The following COL4A4 variants were observed in gnomAD, a reference collection of about 807,000 sequenced individuals.
The protein encoded by COL4A4 is collagen type IV alpha 4 chain.
COL4A4 carries 105 observed loss-of-function variants against 192.9 expected under a neutral mutation model. The observed-to-expected ratio is 0.54, with a 90% confidence interval of 0.46 to 0.64. The LOEUF is 0.64. COL4A4 is among the 30% of genes least tolerant of loss of function. COL4A4 has a pLI of 0.00. For synonymous variants in COL4A4, 762 were observed against 769.9 expected (o/e 0.99, Z 0.17); for missense variants, 1,967 against 2,169.3 (o/e 0.91, Z 1.85).
At chr2:227,137,610 G>A (rs1480140326) in intron 4 of COL4A4, among the ~76,000 whole-genome samples, 1 of 152,212 alleles carries the variant, frequency 6.6e-6, no homozygotes, top group Non-Finnish European at 1.5e-5. Context: ...CCTGTGCATT[G>A]TAAGATGTTG....
chr2:227,082,844 G>A (rs564004335), intron 22 of COL4A4, among the ~76,000 whole-genome samples: 1 of 152,304 alleles, frequency 6.6e-6, no homozygotes, highest in African/African-American at 2.4e-5. Context: ...ACATGCTCAT[G>A]CTCTCTTAAC....
intron 35 of COL4A4, among the ~76,000 whole-genome samples, chr2:227,046,056 T>C (rs1234883992): frequency 7.2e-6 from 1 of 138,382 alleles, no homozygotes; most frequent in Non-Finnish European, 1.5e-5. Flanking sequence ...ATATACTATC[T>C]AAACATATAT....
intron 25 of COL4A4, among the ~76,000 whole-genome samples, chr2:227,071,635 C>A (rs1368421154): frequency 6.6e-6 from 1 of 152,022 alleles, no homozygotes; most frequent in African/African-American, 2.4e-5. Flanking sequence ...CCAAGATAGA[C>A]CATATGACAG....
At chr2:227,081,184 G>A (rs1015716952) in intron 23 of COL4A4, among the ~76,000 whole-genome samples, 3 of 152,198 alleles carry the variant, frequency 2.0e-5, no homozygotes, top group Non-Finnish European at 2.9e-5. Flanking sequence ...TGTTGGGTGT[G>A]TCTGTGAGGG....
At position 227,060,126 on chromosome 2, in the gene COL4A4, C is replaced by CAAAAAGAA; in HGVS notation, c.2164+9_2164+10insTTCTTTTT. ...GAAAAAAAAAAAAAAAAAAAAAAAA[C>CAAAAAGAA]CTCACTGACCAGGTGGACCTGGTAT... On this transcript the variant is annotated intron_variant, in intron 27 of 47. Transcript: ENST00000396625. 2.3e-6 allele frequency: 1 copy of CAAAAAGAA among 438,596 alleles called. No homozygotes were observed. The highest frequency in any genetic ancestry group is 3.2e-6 in the Non-Finnish European group (1 of 313,898). 27.2% of individuals were successfully genotyped at this position (438,596 alleles called of 1,614,324 possible).
chr2:227,148,898 ATGGCGCGATCT>A (rs754207704), intron 1 of COL4A4, among the ~76,000 whole-genome samples: 24 of 151,150 alleles, frequency 1.6e-4, no homozygotes, highest in Non-Finnish European at 2.9e-4. Context: ...CTGGAGTGCA[ATGGCGCGATCT>A]TGGCTCACTG....
In COL4A4 at chr2:227,030,796, AT is replaced by A. The variant is rs578119596; in HGVS notation, c.3818-199del. 1.5e-4 allele frequency among the ~76,000 whole-genome samples: 23 copies of A among 151,240 alleles called. No homozygotes were observed. The South Asian group carries it at 4.8e-3, about 32-fold the overall frequency. On this transcript the variant is annotated intron_variant, in intron 40 of 47. Transcript: ENST00000396625. ...ACCAAGTTGAGAAATGGTGTAGATAATGGGTTGGTAACTGTTAGACAAAATG... is the reference window on the plus strand; with the variant it reads ...ACCAAGTTGAGAAATGGTGTAGATAAGGGTTGGTAACTGTTAGACAAAATG...
intron 12 of COL4A4, 110 bp from the exon 13 acceptor site, chr2:227,104,162 A>C (rs558105614): frequency 2.2e-6 from 2 of 909,956 alleles, no homozygotes; most frequent in Non-Finnish European, 3.6e-6. Context: ...ATGGATTTAA[A>C]ATACAAGTTG....
At position 227,114,626 on chromosome 2, in the gene COL4A4, A is replaced by C; in HGVS notation, c.558+2T>G. On this transcript the variant is annotated splice_donor_variant, in intron 8 of 47. Coordinates refer to ENST00000396625, the MANE Select transcript of COL4A4 (RefSeq NM_000092.5). LOFTEE classifies it high-confidence loss of function. ...TTAACCCATCATGATCATAATACTTACCTGAATACCTTTAACGGCACCTAA... is the reference window on the plus strand; with the variant it reads ...TTAACCCATCATGATCATAATACTTCCCTGAATACCTTTAACGGCACCTAA... 2 of 1,613,342 alleles carry C rather than the reference A, an allele frequency of 1.2e-6. No individual in the cohort carries two copies. The highest frequency in any genetic ancestry group is 1.7e-6 in the Non-Finnish European group (2 of 1,179,302).
At chr2:227,086,066 A>G (rs2059586599) in intron 22 of COL4A4, among the ~76,000 whole-genome samples, 2 of 152,230 alleles carry the variant, frequency 1.3e-5, no homozygotes, top group African/African-American at 4.8e-5. Flanking sequence ...CGGAGATGGG[A>G]TCTGAAGCTG....
chr2:227,000,682 A>C (rs1960708006), downstream of COL4A4, among the ~76,000 whole-genome samples: 1 of 151,962 alleles, frequency 6.6e-6, no homozygotes. Context: ...AGTTGCCCTA[A>C]ATGACTGACC....
At chr2:227,093,604 C>T (rs367978213) in intron 20 of COL4A4, among the ~76,000 whole-genome samples, 1 of 151,938 alleles carries the variant, frequency 6.6e-6, no homozygotes, top group East Asian at 1.9e-4. Flanking sequence ...ATGATCTCAT[C>T]CCCAGCCCCC....
intron 2 of COL4A4, among the ~76,000 whole-genome samples, chr2:227,145,541 G>A (rs10498217): frequency 0.07 from 10,681 of 152,156 alleles, 399 homozygotes; most frequent in Middle Eastern, 0.088. Context: ...CTTATTTAAC[G>A]CTTAAAACAG....
chr2:226,968,462 G>C, the COL4A4 span, among the ~76,000 whole-genome samples: 1 of 152,136 alleles, frequency 6.6e-6, no homozygotes, highest in African/African-American at 2.4e-5. Context: ...TTAACCGATT[G>C]AATCAGGCTC....
chr2:227,129,767 T>C (rs769353999), intron 4 of COL4A4, among the ~76,000 whole-genome samples: 1 of 152,216 alleles, frequency 6.6e-6, no homozygotes, highest in Non-Finnish European at 1.5e-5. Flanking sequence ...CCTCAGCATC[T>C]TGACCACTGT....
At chr2:226,992,515 T>C in the COL4A4 span, among the ~76,000 whole-genome samples, 1 of 152,186 alleles carries the variant, frequency 6.6e-6, no homozygotes, top group South Asian at 2.1e-4. Flanking sequence ...GTTTGGGTTG[T>C]ATTGTTATAC....
intron 8 of COL4A4, among the ~76,000 whole-genome samples, chr2:227,112,713 A>G (rs2061285060): frequency 6.6e-6 from 1 of 152,194 alleles, no homozygotes; most frequent in Non-Finnish European, 1.5e-5. Context: ...GTTCTCATTA[A>G]ACACTAACTC....
the COL4A4 span, chr2:226,988,598 G>A: frequency 7.3e-7 from 1 of 1,362,194 alleles, no homozygotes; most frequent in South Asian, 2.1e-5. Context: ...AGAGGCCGGG[G>A]GCTCCAGCTG....
chr2:227,163,833 A>G (rs1467191807), intron 1 of COL4A4, among the ~76,000 whole-genome samples, 174 bp downstream of exon 1: 1 of 152,156 alleles, frequency 6.6e-6, no homozygotes, highest in East Asian at 1.9e-4. Context: ...CACCCAGTTA[A>G]AGCCCAGGCA....
Sources: gnomAD v4.1 joint callset for allele counts (sites outside exome capture counted in the v4.1 genomes callset) on GRCh38, gnomAD v4.1.1 for gene constraint, MANE v1.5 for transcripts, NCBI Gene and HGNC (gene_info 2026-07-23, HGNC 2026-07-21) for gene names.